Variants in CCDC50 observed in about 807,000 individuals in gnomAD.
CCDC50 encodes coiled-coil domain-containing protein 50.
A neutral mutation model predicts 70.2 loss-of-function variants in CCDC50; 54 were observed. The ratio of observed to expected loss-of-function variants is 0.77; its 90% CI spans 0.62 to 0.96. The LOEUF is 0.96. Among genes scored for constraint, CCDC50 ranks in the 50% least tolerant of loss-of-function variants. CCDC50 has a pLI of 0.00. For synonymous variants in CCDC50, 216 were observed against 198.8 expected, an observed-to-expected ratio of 1.09 and a Z score of -0.73; for missense variants, 558 against 578.7, an observed-to-expected ratio of 0.96 and a Z score of 0.37.
intron 1 of CCDC50, among the ~76,000 whole-genome samples, chr3:191,349,203 G>A (rs946092799): frequency 7.1e-6 from 1 of 141,546 alleles, no homozygotes; most frequent in Non-Finnish European, 1.6e-5. Flanking sequence ...TTTTTCATTA[G>A]GATAAGATCT....
chr3:191,388,015 T>TAA (rs911917123), intron 10 of CCDC50, among the ~76,000 whole-genome samples: 11 of 152,068 alleles, frequency 7.2e-5, no homozygotes, highest in African/African-American at 2.4e-4. Context: ...CATTGTTTAT[T>TAA]AAAGATAAGT....
At chr3:191,366,133 A>G (rs1286632040) in intron 4 of CCDC50, among the ~76,000 whole-genome samples, 1 of 152,150 alleles carries the variant, frequency 6.6e-6, no homozygotes, top group Admixed American at 6.5e-5. Context: ...TCATAGAGCC[A>G]TGTTTTCATT....
Position 191,398,655 on chromosome 3 carries a change from G to A in CCDC50, c.*6895G>A, listed in dbSNP as rs553900378. ...TGAAATCCTCAATAAATACTGCCAA[G>A]TGTGGATCAGTTGGAGAAGTAGCTT... is the stretch of plus-strand genomic sequence containing the variant. On this transcript the variant is annotated 3_prime_UTR_variant, in exon 12 of 12. Coordinates refer to ENST00000392455, the MANE Select transcript of CCDC50 (RefSeq NM_178335.3). 2.4e-4 allele frequency: 37 copies of A among 152,236 alleles called. No homozygotes were observed. The highest frequency in any genetic ancestry group is 8.7e-4 in the African/African-American group (36 of 41,536). 9.4% of individuals were successfully genotyped at this position (152,236 alleles called of 1,614,324 possible). A position where few individuals can be genotyped will look rare whatever the true frequency, so the allele number is the denominator to read the frequency against.
chr3:191,337,970 A>G (rs936699879), intron 1 of CCDC50, among the ~76,000 whole-genome samples: 4 of 152,126 alleles, frequency 2.6e-5, no homozygotes, highest in African/African-American at 7.2e-5. Context: ...ATCTTGCCTG[A>G]TGAGCATTTC....
chr3:191,380,463 A>G (rs980386454), intron 7 of CCDC50, among the ~76,000 whole-genome samples, 189 bp downstream of exon 7: 6 of 152,068 alleles, frequency 3.9e-5, no homozygotes, highest in Non-Finnish European at 2.9e-5. Flanking sequence ...AGCAAAGTCC[A>G]TAACTCCATT....
rs1354167962 is a variant in CCDC50 at position 191,375,522 on chromosome 3, A to G, written c.909A>G (p.Lys303=). 2 of 1,613,542 alleles carry G rather than the reference A, an allele frequency of 1.2e-6. No individual in the cohort carries two copies. Among genetic ancestry groups the G allele is most frequent in the East Asian group, 4.5e-5 (2 of 44,820 alleles). The stretch of plus-strand genomic sequence containing the variant: ...ACCATGGGCAAGGTGAGCACAGAAA[A>G]AGGAGACACAGGCCCAGGACTCCTC... ...GRDHGQGEHR[K]RRHRPRTPPF... is the part of the protein sequence containing the mutation. Residue 303 remains lysine (K), a synonymous_variant, in exon 6 of 12, where the codon AAA becomes AAG. Transcript: ENST00000392455.
rs1302058520 is a variant in CCDC50, at chr3:191,348,219, G to A, written c.50-8869G>A. 1.4e-4 allele frequency among the ~76,000 whole-genome samples: 20 copies of A among 141,296 alleles called. 7 individuals are homozygous for A. Among genetic ancestry groups the A allele is most frequent in the Admixed American group, 1.0e-3 (14 of 13,806 alleles). 92.7% of individuals were successfully genotyped at this position (141,296 alleles called of 152,430 possible). A position where few individuals can be genotyped will look rare whatever the true frequency, so the allele number is the denominator to read the frequency against. ...TTTTCTAGATGGTAGAGGGGTGGTT[G>A]GGTGCTTTGGGCAGATGGAACACAG... On this transcript the variant is annotated intron_variant, in intron 1 of 11. Transcript: ENST00000392455.
Position 191,380,216 on chromosome 3 carries a change from G to A in CCDC50, c.1034G>A (p.Arg345Lys). 6.2e-7 allele frequency: 1 copy of A among 1,612,598 alleles called. No homozygotes were observed. Among genetic ancestry groups the A allele is most frequent in the Non-Finnish European group, 8.5e-7 (1 of 1,179,330 alleles). Reference protein sequence around the residue: ...AVSTPSRMAHRDQEWYDAEIA... With the variant: ...AVSTPSRMAHKDQEWYDAEIA... Reference sequence around the variant, plus strand: ...TCTACTCCATCACGAATGGCCCACAGGGATCAGGAATGGTATGATGCTGAA... The same window carrying A: ...TCTACTCCATCACGAATGGCCCACAAGGATCAGGAATGGTATGATGCTGAA... Residue 345 changes from arginine to lysine, a missense_variant, in exon 7 of 12, where the codon AGG becomes AAG. By Grantham distance (26) the Arg-to-Lys change is conservative (BLOSUM62 2). Coordinates refer to ENST00000392455, the MANE Select transcript of CCDC50 (RefSeq NM_178335.3).
rs1037459819 is a variant in CCDC50 at position 191,393,813 on chromosome 3, T to G, written c.*2053T>G. ...TACTTATAGTAATGCTATATTTTTC[T>G]TTATCTGCCCTGTGATTTCGCTTCG... is the stretch of plus-strand genomic sequence containing the variant. On this transcript the variant is annotated 3_prime_UTR_variant, in exon 12 of 12. Transcript: ENST00000392455. 1.3e-5 allele frequency: 2 copies of G among 152,224 alleles called. No homozygotes were observed. The highest frequency in any genetic ancestry group is 6.5e-5 in the Admixed American group (1 of 15,282). The allele number at this position is 152,224 out of a possible 1,614,324, so 9.4% of individuals were successfully genotyped here. A position where few individuals can be genotyped will look rare whatever the true frequency, so the allele number is the denominator to read the frequency against.
rs1345496012 is a variant in CCDC50 at position 191,358,131 on chromosome 3, A to G, written c.239+7A>G. The G allele has an allele frequency of 6.2e-7, 1 of 1,613,520 alleles. No individual in the cohort carries two copies. Among genetic ancestry groups the G allele is most frequent in the East Asian group, 2.2e-5 (1 of 44,870 alleles). On this transcript the variant is annotated splice_region_variant and intron_variant, in intron 3 of 11. Transcript: ENST00000392455. Reference sequence around the variant, plus strand: ...AGAAGCGCTACAAAGACCTGTGAGGATTTGGGAGGTGGGAGGGGTGATGCA... The same window carrying G: ...AGAAGCGCTACAAAGACCTGTGAGGGTTTGGGAGGTGGGAGGGGTGATGCA...
intron 2 of CCDC50, 63 bp downstream of exon 2, chr3:191,357,213 G>T: frequency 7.4e-7 from 1 of 1,344,064 alleles, no homozygotes; most frequent in South Asian, 1.2e-5. Context: ...CTTGAGGCTG[G>T]TTTCTTAGGG....
chr3:191,372,843 C>T (rs571423501), intron 5 of CCDC50, among the ~76,000 whole-genome samples: 13 of 152,056 alleles, frequency 8.5e-5, no homozygotes, highest in Middle Eastern at 3.4e-3. Context: ...TGGTTCAAGT[C>T]CTGTCCCCTC....
intron 9 of CCDC50, 80 bp downstream of exon 9, chr3:191,381,012 G>T (rs1713300726): frequency 1.9e-6 from 2 of 1,064,052 alleles, no homozygotes; most frequent in African/African-American, 3.2e-5. Flanking sequence ...GTTAAGCTCT[G>T]CAAATATATT....
intron 3 of CCDC50, among the ~76,000 whole-genome samples, chr3:191,360,384 T>C (rs1340333197): frequency 6.6e-6 from 1 of 152,254 alleles, no homozygotes; most frequent in Non-Finnish European, 1.5e-5. Flanking sequence ...TCTACGGTGC[T>C]TCTACTTTCT....
intron 1 of CCDC50, among the ~76,000 whole-genome samples, chr3:191,332,574 G>A (rs895561883): frequency 1.3e-5 from 2 of 152,160 alleles, no homozygotes; most frequent in Non-Finnish European, 1.5e-5. Flanking sequence ...ACTTCAGTAG[G>A]TCTATAACTG....
intron 10 of CCDC50, among the ~76,000 whole-genome samples, chr3:191,386,216 A>ATTTT (rs76983981): frequency 0.027 from 3,396 of 124,800 alleles, 407 homozygotes; most frequent in East Asian, 0.11. Context: ...TAGTATGGGC[A>ATTTT]TTTTTTTTTT....
chr3:191,363,731 T>C (rs16866501), intron 4 of CCDC50, among the ~76,000 whole-genome samples: 9,022 of 152,228 alleles, frequency 0.059, 483 homozygotes, highest in East Asian at 0.25. Flanking sequence ...AAAAGTTAAA[T>C]GAGAAATCCA....
intron 10 of CCDC50, among the ~76,000 whole-genome samples, chr3:191,383,813 G>A (rs1178495628): frequency 6.6e-6 from 1 of 152,106 alleles, no homozygotes; most frequent in Non-Finnish European, 1.5e-5. Flanking sequence ...AAATCTTTCT[G>A]TTGTAGCTTT....
rs1712838907 is a variant in CCDC50, at chr3:191,369,929, G to A, written c.341G>A (p.Arg114His). The A allele has an allele frequency of 2.5e-6, 4 of 1,610,270 alleles. No homozygotes were observed. In the South Asian group the frequency reaches 3.3e-5, roughly 13 times the overall value. Residue 114 changes from arginine (R) to histidine (H), a missense_variant, in exon 5 of 12, where the codon CGC becomes CAC. Physicochemically the swap from Arg to His is conservative, Grantham distance 29 (BLOSUM62 0). Transcript: ENST00000392455. Reference protein sequence around the residue: ...IQEKKDEDIARLLQEKELQEE... With the variant: ...IQEKKDEDIAHLLQEKELQEE... ...CTCTTGTCTTTGCAGGACATAGCTCGCCTTTTGCAAGAAAAGGAGTTACAG... is the reference window on the plus strand; with the variant it reads ...CTCTTGTCTTTGCAGGACATAGCTCACCTTTTGCAAGAAAAGGAGTTACAG...
Sources: gnomAD v4.1 joint callset for allele counts (sites outside exome capture counted in the v4.1 genomes callset) on GRCh38, gnomAD v4.1.1 for gene constraint, MANE v1.5 for transcripts, NCBI Gene and HGNC (gene_info 2026-07-23, HGNC 2026-07-21) for gene names.